The following RERE variants were observed in gnomAD, a reference collection of about 807,000 sequenced individuals.
RERE encodes the protein arginine-glutamic acid dipeptide repeats.
Under a neutral mutation model 146.1 loss-of-function variants are expected in RERE, and 40 were observed. The ratio of observed to expected loss-of-function variants is 0.27; its 90% CI spans 0.21 to 0.36. The LOEUF is 0.36. Ranked by LOEUF, RERE falls within the 10% of genes least tolerant of loss-of-function variation. RERE has a pLI of 1.00. For missense variants in RERE, 1,933 were observed against 2,138.7 expected (o/e 0.90, Z 1.90); for synonymous variants, 1,003 against 866.0 (o/e 1.16, Z -2.78).
chr1:8,634,434 CTCT>C (rs1429553226), intron 2 of RERE, among the ~76,000 whole-genome samples: 1 of 152,188 alleles, frequency 6.6e-6, no homozygotes, highest in Non-Finnish European at 1.5e-5. Flanking sequence ...GAAGACTGTG[CTCT>C]TGTTTTATTG....
intron 1 of RERE, among the ~76,000 whole-genome samples, chr1:8,785,451 T>C (rs1221464049): frequency 6.6e-6 from 1 of 152,256 alleles, no homozygotes; most frequent in African/African-American, 2.4e-5. Flanking sequence ...AATATGCACA[T>C]CTGCTGTTCC....
intron 11 of RERE, among the ~76,000 whole-genome samples, chr1:8,461,948 G>A (rs957285381): frequency 1.3e-5 from 2 of 152,120 alleles, no homozygotes; most frequent in East Asian, 1.9e-4. Flanking sequence ...GGACTCAAGC[G>A]ATTCTCCAAC....
chr1:8,526,293 C>CT (rs34947776), intron 7 of RERE, among the ~76,000 whole-genome samples: 170 of 141,840 alleles, frequency 1.2e-3, no homozygotes, highest in South Asian at 7.8e-3. Flanking sequence ...CAAGTTTTGT[C>CT]TTTTTTTTTT....
chr1:8,540,685 T>G (rs1483630076), intron 7 of RERE, among the ~76,000 whole-genome samples: 1 of 152,218 alleles, frequency 6.6e-6, no homozygotes, highest in Non-Finnish European at 1.5e-5. Flanking sequence ...ATTCAAACTG[T>G]TACATAGATC....
Position 8,364,718 on chromosome 1 carries a change from G to T in RERE, c.1540+28C>A. 6.4e-7 allele frequency: 1 copy of T among 1,569,698 alleles called. No homozygotes were observed. Among genetic ancestry groups the T allele is most frequent in the Non-Finnish European group, 8.8e-7 (1 of 1,139,722 alleles). Reference sequence around the variant, plus strand: ...ATGGAAGTGCTTGTGCCCCCGCCCCGCCCCAGGAGCGTGACGAGGCCACTT... The same window carrying T: ...ATGGAAGTGCTTGTGCCCCCGCCCCTCCCCAGGAGCGTGACGAGGCCACTT... On this transcript the variant is annotated intron_variant, in intron 14 of 22. Coordinates refer to ENST00000400908, the MANE Select transcript of RERE (RefSeq NM_001042681.2). This position sits in a 1 kb window ranked among gnomAD's most constrained non-coding sequence, Gnocchi z 5.1.
chr1:8,724,892 A>AAAAAAAAAAAAAAT (rs1639930803), intron 1 of RERE, among the ~76,000 whole-genome samples: 1 of 146,458 alleles, frequency 6.8e-6, no homozygotes, highest in African/African-American at 2.5e-5. Flanking sequence ...AAAAAAAAAC[A>AAAAAAAAAAAAAAT]ACTCAACCTT....
Position 8,364,036 on chromosome 1 carries a change from C to G in RERE, c.1740+20G>C, listed in dbSNP as rs756311499. ...AAACTGAAGAAGTTGCCAGGAGCCC[C>G]ATGGCCCCAGGGGACTCACCGAGCC... On this transcript the variant is annotated intron_variant, in intron 15 of 22. Transcript: ENST00000400908. The surrounding 1 kb of genome is among the most constrained non-coding windows in gnomAD (Gnocchi z 5.1). The G allele has an allele frequency of 6.2e-7, 1 of 1,610,808 alleles. No individual in the cohort carries two copies. Among genetic ancestry groups the G allele is most frequent in the Non-Finnish European group, 8.5e-7 (1 of 1,177,238 alleles).
chr1:8,417,854 C>A (rs1362972522), intron 12 of RERE, among the ~76,000 whole-genome samples: 1 of 152,194 alleles, frequency 6.6e-6, no homozygotes, highest in Non-Finnish European at 1.5e-5. Context: ...TTGCTGGGCA[C>A]GTTTTACAAT....
chr1:8,782,303 T>TA (rs1641180409), intron 1 of RERE, among the ~76,000 whole-genome samples: 1 of 152,142 alleles, frequency 6.6e-6, no homozygotes, highest in African/African-American at 2.4e-5. Flanking sequence ...TGCCATATAA[T>TA]ATAGTCTATG....
chr1:8,691,400 T>G (rs976295477), intron 1 of RERE, among the ~76,000 whole-genome samples: 1 of 152,086 alleles, frequency 6.6e-6, no homozygotes, highest in Non-Finnish European at 1.5e-5. Flanking sequence ...TATAAACCAT[T>G]CAGTACACAC....
intron 1 of RERE, among the ~76,000 whole-genome samples, chr1:8,802,000 C>T (rs1209480665): frequency 2.0e-5 from 3 of 152,148 alleles, no homozygotes; most frequent in Non-Finnish European, 4.4e-5. Context: ...ATTCAAGATA[C>T]TATCTATAGT....
intron 1 of RERE, among the ~76,000 whole-genome samples, chr1:8,692,024 C>T (rs1639217881): frequency 6.6e-6 from 1 of 152,150 alleles, no homozygotes; most frequent in Non-Finnish European, 1.5e-5. Context: ...AATAAATGGT[C>T]CTCAATAAAG....
chr1:8,804,787 C>A (rs11811564), intron 1 of RERE, among the ~76,000 whole-genome samples: 3,452 of 152,076 alleles, frequency 0.023, 118 homozygotes, highest in African/African-American at 0.078. Flanking sequence ...AAGGCTGGGT[C>A]CCCTAATGAG....
chr1:8,506,796 A>C (rs1282088165), intron 8 of RERE, among the ~76,000 whole-genome samples: 1 of 152,222 alleles, frequency 6.6e-6, no homozygotes, highest in Non-Finnish European at 1.5e-5. Flanking sequence ...ACACTTGCTA[A>C]ATTTCATTCA....
At chr1:8,548,970 C>G (rs1171025174) in intron 6 of RERE, among the ~76,000 whole-genome samples, 1 of 151,884 alleles carries the variant, frequency 6.6e-6, no homozygotes, top group African/African-American at 2.4e-5. Context: ...GGCAACAGAG[C>G]AAGACTCTGT....
At chr1:8,743,161 T>C (rs1640345703) in intron 1 of RERE, among the ~76,000 whole-genome samples, 1 of 152,060 alleles carries the variant, frequency 6.6e-6, no homozygotes, top group Admixed American at 6.6e-5. Flanking sequence ...TTTGGGAGGC[T>C]AACATGGGAA....
intron 11 of RERE, among the ~76,000 whole-genome samples, chr1:8,439,014 A>G (rs1644208766): frequency 6.6e-6 from 1 of 152,226 alleles, no homozygotes; most frequent in South Asian, 2.1e-4. Flanking sequence ...CTGTACTTAC[A>G]GTTCCACCAG....
intron 7 of RERE, among the ~76,000 whole-genome samples, chr1:8,509,760 C>T (rs559228884): frequency 4.9e-4 from 74 of 152,292 alleles, no homozygotes; most frequent in Non-Finnish European, 8.4e-4. Flanking sequence ...CACCACTGCA[C>T]TCCAACCTGG....
chr1:8,633,800 G>A (rs1177372228), intron 2 of RERE, among the ~76,000 whole-genome samples: 2 of 151,978 alleles, frequency 1.3e-5, no homozygotes, highest in Non-Finnish European at 2.9e-5. Context: ...GTGATGGCGT[G>A]CACCTGTGGT....
Sources: allele counts gnomAD v4.1 joint callset (sites outside exome capture counted in the v4.1 genomes callset), GRCh38; gene constraint gnomAD v4.1.1; non-coding constraint Gnocchi (gnomAD v3.1); transcripts MANE v1.5; gene names NCBI Gene and HGNC (gene_info 2026-07-23, HGNC 2026-07-21).